Variants in ABCC4 observed in about 807,000 individuals in gnomAD.
ABCC4 encodes the protein ATP binding cassette subfamily C member 4 (PEL blood group).
A neutral mutation model predicts 168.5 loss-of-function variants in ABCC4; 102 were observed. That is an observed-to-expected ratio of 0.61 (90% CI 0.52 to 0.71). The LOEUF (loss-of-function observed/expected upper bound fraction) is 0.71, where lower values mean the gene tolerates loss of function less well. Among genes scored for constraint, ABCC4 ranks in the 30% least tolerant of loss-of-function variants. The pLI, the probability that ABCC4 is intolerant of heterozygous loss-of-function variation, is 0.00. For missense variants in ABCC4, 1,402 were observed against 1,605.8 expected (o/e 0.87, Z 2.17); for synonymous variants, 617 against 590.7 (o/e 1.04, Z -0.65).
chr13:95,243,847 C>A (rs2040010286), intron 3 of ABCC4, among the ~76,000 whole-genome samples: 1 of 151,536 alleles, frequency 6.6e-6, no homozygotes, highest in Non-Finnish European at 1.5e-5. Flanking sequence ...GATCACACCA[C>A]TGCACTCCAG....
chr13:95,147,694 T>G (rs746400322), intron 19 of ABCC4, among the ~76,000 whole-genome samples: 7 of 152,232 alleles, frequency 4.6e-5, no homozygotes, highest in Non-Finnish European at 1.0e-4. Flanking sequence ...AAGTTTCTCC[T>G]ACTCCTAAGA....
rs141672372 is a variant in ABCC4 at position 95,043,735 on chromosome 13, C to T, written c.3682G>A (p.Val1228Met). The part of the protein sequence containing the change: ...KIREKFAHCT[V>M]LTIAHRLNTI... ...TTCAATCTGTGTGCAATGGTTAGCA[C>T]GGTGCAGTGGGCAAATTTCTCCCGG... is the stretch of plus-strand genomic sequence containing the variant. The change falls in exon 29 of 31, where the codon GTG (valine) becomes ATG (methionine). Residue 1228 changes from valine (V) to methionine (M), a missense_variant. By Grantham distance (21) the Val-to-Met change is conservative (BLOSUM62 1). Coordinates refer to ENST00000645237, the MANE Select transcript of ABCC4 (RefSeq NM_005845.5). 5.5e-5 allele frequency: 88 copies of T among 1,613,806 alleles called. No individual in the cohort carries two copies. Among genetic ancestry groups the T allele is most frequent in the African/African-American group, 3.9e-4 (29 of 74,972 alleles).
chr13:95,232,510 C>T (rs1404854031), intron 4 of ABCC4, among the ~76,000 whole-genome samples: 1 of 151,974 alleles, frequency 6.6e-6, no homozygotes, highest in Admixed American at 6.6e-5. Context: ...CACCACGTCT[C>T]TACTAAAAAT....
chr13:95,299,517 G>A (rs1202650739), intron 1 of ABCC4, among the ~76,000 whole-genome samples: 1 of 152,032 alleles, frequency 6.6e-6, no homozygotes, highest in African/African-American at 2.4e-5. Context: ...GAGGCCCATG[G>A]GCTGCCAAAT....
At chr13:95,268,690 C>T (rs2040752833) in intron 1 of ABCC4, among the ~76,000 whole-genome samples, 1 of 152,190 alleles carries the variant, frequency 6.6e-6, no homozygotes, top group African/African-American at 2.4e-5. Flanking sequence ...GCACACAGCA[C>T]CTTTTTCTTA....
chr13:95,166,960 G>C (rs1038695899), intron 14 of ABCC4, among the ~76,000 whole-genome samples: 4 of 152,114 alleles, frequency 2.6e-5, no homozygotes, highest in Admixed American at 2.0e-4. Flanking sequence ...ACCAAGGCAG[G>C]TGGATCACCT....
In ABCC4 at chr13:95,053,615, C is replaced by T. The variant is rs572684529; in HGVS notation, c.3367-431G>A. On this transcript the variant is annotated intron_variant, in intron 26 of 30. Coordinates refer to ENST00000645237, the MANE Select transcript of ABCC4 (RefSeq NM_005845.5). ...TGTGCTTCAAAGCCAAATTATTAAG[C>T]ATTTTCCAATTTGCACTAAAGAATA... 16 of 164,088 alleles carry T rather than the reference C, an allele frequency of 9.8e-5. 1 individual carries two copies. In the South Asian group the frequency reaches 2.2e-3, roughly 22 times the overall value. The allele number at this position is 164,088 out of a possible 1,614,324, so 10.2% of individuals were successfully genotyped here.
chr13:95,042,306 T>A lies in ABCC4; in HGVS notation c.3735+1376A>T, dbSNP rs538284040. On this transcript the variant is annotated intron_variant, in intron 29 of 30. Transcript: ENST00000645237. The stretch of plus-strand genomic sequence containing the variant: ...TCAATCCATCACAGTCCAGTTGCTT[T>A]ACTTTGCTATTTACTCCAAATCTAT... Among the ~76,000 whole-genome samples the A allele has an allele frequency of 2.0e-5, 3 of 152,346 alleles. No individual in the cohort carries two copies. The East Asian group carries it at 5.8e-4, about 29-fold the overall frequency.
chr13:95,067,992 T>C (rs1325402665), intron 25 of ABCC4, among the ~76,000 whole-genome samples: 1 of 152,222 alleles, frequency 6.6e-6, no homozygotes, highest in Non-Finnish European at 1.5e-5. Context: ...CATTCTTTTT[T>C]ACTTGCTATT....
chr13:95,057,334 G>A (rs780673846), intron 26 of ABCC4, among the ~76,000 whole-genome samples: 3 of 152,066 alleles, frequency 2.0e-5, no homozygotes, highest in Non-Finnish European at 2.9e-5. Flanking sequence ...CTGCCTCTGG[G>A]GTTCAAGCAA....
At chr13:95,086,671 G>T (rs940495326) in intron 20 of ABCC4, among the ~76,000 whole-genome samples, 4 of 152,080 alleles carry the variant, frequency 2.6e-5, no homozygotes, top group African/African-American at 9.7e-5. Flanking sequence ...TTGTGCCAAC[G>T]AACATGTTTT....
chr13:95,049,992 G>A (rs1040672681), intron 27 of ABCC4, among the ~76,000 whole-genome samples: 2 of 152,150 alleles, frequency 1.3e-5, no homozygotes, highest in African/African-American at 4.8e-5. Context: ...GTTTCCAAAT[G>A]ACACCAGGTT....
chr13:95,247,983 C>T (rs1256239502), intron 1 of ABCC4, among the ~76,000 whole-genome samples: 2 of 145,310 alleles, frequency 1.4e-5, no homozygotes, highest in Non-Finnish European at 3.0e-5. Flanking sequence ...AGCAATGACA[C>T]ACCAGTAGCT....
chr13:95,139,981 G>T (rs867832738), intron 19 of ABCC4, among the ~76,000 whole-genome samples: 3 of 152,158 alleles, frequency 2.0e-5, no homozygotes, highest in Non-Finnish European at 4.4e-5. Flanking sequence ...TTCTGGTTCT[G>T]ATCTGGTCTA....
intron 11 of ABCC4, among the ~76,000 whole-genome samples, chr13:95,185,162 G>C (rs770828945): frequency 1.3e-5 from 2 of 152,046 alleles, no homozygotes; most frequent in Non-Finnish European, 2.9e-5. Flanking sequence ...AACAAAATGA[G>C]GATAGCAATA....
At chr13:95,109,981 GA>G (rs372000740) in intron 20 of ABCC4, among the ~76,000 whole-genome samples, 19 of 150,248 alleles carry the variant, frequency 1.3e-4, no homozygotes, top group South Asian at 4.2e-4. Context: ...AAGCTGGTGG[GA>G]AAAAAAAATA....
chr13:95,051,140 T>A (rs1566372976), intron 27 of ABCC4, among the ~76,000 whole-genome samples: 1 of 152,326 alleles, frequency 6.6e-6, no homozygotes, highest in East Asian at 1.9e-4. Context: ...TTATCAAGTA[T>A]CAGGAGGTGA....
intron 3 of ABCC4, among the ~76,000 whole-genome samples, chr13:95,243,049 C>G (rs2039989064): frequency 6.6e-6 from 1 of 152,196 alleles, no homozygotes; most frequent in Non-Finnish European, 1.5e-5. Context: ...TGACTACTGT[C>G]TAATTTTATA....
Position 95,234,742 on chromosome 13 carries a change from T to A in ABCC4, c.399A>T (p.Thr133=). 6.2e-7 allele frequency: 1 copy of A among 1,614,096 alleles called. No homozygotes were observed. Among genetic ancestry groups the A allele is most frequent in the South Asian group, 1.1e-5 (1 of 91,052 alleles). The change falls in exon 4 of 31, where the codon ACA becomes ACT. Residue 133 remains threonine, a synonymous_variant. Transcript: ENST00000645237. ...TCAGCACCGTGGCATAGGCGTACGC[T>A]GTGTTCAAAGCCACAGAATCCATGG... ...YDPMDSVALN[T]AYAYATVLTF...
Sources: allele counts gnomAD v4.1 joint callset (sites outside exome capture counted in the v4.1 genomes callset), GRCh38; gene constraint gnomAD v4.1.1; transcripts MANE v1.5; gene names NCBI Gene and HGNC (gene_info 2026-07-23, HGNC 2026-07-21).